Variants in DPP6 observed in about 807,000 individuals in gnomAD.
DPP6 encodes dipeptidyl peptidase like 6.
DPP6 carries 69 observed loss-of-function variants against 122.6 expected under a neutral mutation model. The observed-to-expected ratio is 0.56, with a 90% confidence interval of 0.46 to 0.69. The LOEUF is 0.69. DPP6 is among the 30% of genes least tolerant of loss of function. The pLI, the probability that DPP6 is intolerant of heterozygous loss-of-function variation, is 0.00. For synonymous variants in DPP6, 418 were observed against 433.1 expected (o/e 0.97, Z 0.43); for missense variants, 928 against 1,116.9 (o/e 0.83, Z 2.41).
At position 154,151,942 on chromosome 7, in the gene DPP6, C is replaced by G. The variant is rs200133200; in HGVS notation, c.243+98879C>G. 5.9e-5 allele frequency among the ~76,000 whole-genome samples: 9 copies of G among 151,486 alleles called. No homozygotes were observed. In the East Asian group the frequency reaches 1.7e-3, roughly 29 times the overall value. ...TCACCTGCCTACGAGATCAACCCCA[C>G]ACATTTGAGTTTGGCACATGACACA... On this transcript the variant is annotated intron_variant, in intron 1 of 25. Transcript: ENST00000377770.
chr7:154,195,494 G>A (rs1285450389), intron 1 of DPP6, among the ~76,000 whole-genome samples: 1 of 152,032 alleles, frequency 6.6e-6, no homozygotes. Context: ...ACTGCCATTG[G>A]CCGGCAGCCT....
chr7:153,859,526 C>T, the DPP6 span, among the ~76,000 whole-genome samples: 1 of 152,102 alleles, frequency 6.6e-6, no homozygotes, highest in Admixed American at 6.5e-5. Context: ...AGGACAGAAC[C>T]TCTAAGACAA....
In DPP6 at chr7:154,153,255, G is replaced by A. The variant is rs565200675; in HGVS notation, c.243+100192G>A. Among the ~76,000 whole-genome samples the A allele has an allele frequency of 1.9e-4, 29 of 152,206 alleles. No individual in the cohort carries two copies. In the East Asian group the frequency reaches 5.0e-3, roughly 26 times the overall value. On this transcript the variant is annotated intron_variant, in intron 1 of 25. Transcript: ENST00000377770. ...GGCTGGAGTGCAATGGCGGGATCTC[G>A]GCTCACTGCAACCTCTGCTTCCTAG...
At chr7:153,908,335 G>GT (rs1799938607) in intron 1 of DPP6, among the ~76,000 whole-genome samples, 1 of 152,120 alleles carries the variant, frequency 6.6e-6, no homozygotes, top group South Asian at 2.1e-4. Flanking sequence ...AAAAAGTATA[G>GT]TTATGGTCCT....
intron 1 of DPP6, among the ~76,000 whole-genome samples, chr7:154,320,024 A>ATG (rs1435432110): frequency 8.6e-6 from 1 of 116,688 alleles, no homozygotes; most frequent in African/African-American, 2.9e-5. Flanking sequence ...ATATATATAT[A>ATG]TATATATGCA....
chr7:154,588,110 A>G, intron 5 of DPP6: 2 of 1,584,646 alleles, frequency 1.3e-6, no homozygotes, highest in Non-Finnish European at 1.7e-6. Flanking sequence ...CTGCCAGCAC[A>G]GGCTTGTTCC....
chr7:153,760,461 G>C, the DPP6 span, among the ~76,000 whole-genome samples: 1 of 152,088 alleles, frequency 6.6e-6, no homozygotes, highest in African/African-American at 2.4e-5. Context: ...TTGGATGCCA[G>C]ATATTGTGAA....
the DPP6 span, among the ~76,000 whole-genome samples, chr7:153,821,952 T>G: frequency 6.6e-6 from 1 of 152,150 alleles, no homozygotes. Context: ...GCTGGGGACC[T>G]ACAGCGCAAG....
chr7:154,601,820 T>G (rs1311700851), intron 5 of DPP6, among the ~76,000 whole-genome samples: 1 of 121,140 alleles, frequency 8.3e-6, no homozygotes, highest in Non-Finnish European at 1.9e-5. Flanking sequence ...AGGCTGTTTT[T>G]GTACTTCCAA....
chr7:154,355,876 C>G (rs745612449), intron 1 of DPP6, among the ~76,000 whole-genome samples: 8 of 152,168 alleles, frequency 5.3e-5, no homozygotes, highest in Non-Finnish European at 5.9e-5. Flanking sequence ...CACACATACT[C>G]ACTCACATAG....
Position 154,301,675 on chromosome 7 carries a change from A to C in DPP6, c.244-144539A>C, listed in dbSNP as rs117210304. The stretch of plus-strand genomic sequence containing the variant: ...GCAAACACCTTTAGCTTGAGAGGAT[A>C]AACTTAAGTACAATGTTTGTTCTCT... On this transcript the variant is annotated intron_variant, in intron 1 of 25. Transcript: ENST00000377770. 7.5e-3 allele frequency among the ~76,000 whole-genome samples: 1,142 copies of C among 152,270 alleles called. 6 individuals are homozygous for C. The highest frequency in any genetic ancestry group is 0.012 in the Non-Finnish European group (815 of 68,018).
In DPP6 at chr7:154,787,150, T is replaced by C. The variant is rs1048422914; in HGVS notation, c.1137-6929T>C. ...CTTAAGTTGGAGACTTCCAGTGTTT[T>C]CTTAATAACCATCTTCTTGTTTAAA... On this transcript the variant is annotated intron_variant, in intron 10 of 25. Transcript: ENST00000377770. Among the ~76,000 whole-genome samples the C allele has an allele frequency of 9.8e-5, 15 of 152,380 alleles. No individual in the cohort carries two copies. The East Asian group carries it at 2.7e-3, about 27-fold the overall frequency.
chr7:153,936,716 C>T (rs1302031045), intron 1 of DPP6, among the ~76,000 whole-genome samples: 1 of 151,776 alleles, frequency 6.6e-6, no homozygotes, highest in Non-Finnish European at 1.5e-5. Flanking sequence ...GAGGCTGAGG[C>T]AGGAAAATGG....
At chr7:153,805,143 A>G in the DPP6 span, among the ~76,000 whole-genome samples, 1 of 152,232 alleles carries the variant, frequency 6.6e-6, no homozygotes, top group Non-Finnish European at 1.5e-5. Flanking sequence ...TTAATGAAAT[A>G]AGGACTTAAG....
At chr7:154,711,784 A>G (rs1841196033) in intron 7 of DPP6, among the ~76,000 whole-genome samples, 1 of 152,178 alleles carries the variant, frequency 6.6e-6, no homozygotes, top group Admixed American at 6.5e-5. Context: ...GATTATAGTA[A>G]TTATTCCATC....
intron 1 of DPP6, among the ~76,000 whole-genome samples, chr7:154,354,836 G>A (rs1289710995): frequency 1.3e-5 from 2 of 152,128 alleles, no homozygotes; most frequent in East Asian, 1.9e-4. Context: ...ACAATGCTGC[G>A]GGCACTCTTG....
At chr7:154,336,295 T>C (rs549095910) in intron 1 of DPP6, among the ~76,000 whole-genome samples, 2 of 152,272 alleles carry the variant, frequency 1.3e-5, no homozygotes, top group South Asian at 2.1e-4. Flanking sequence ...AGGCAGAAGA[T>C]GCACGGCGTC....
chr7:154,445,528 C>T (rs192904719), intron 1 of DPP6, among the ~76,000 whole-genome samples: 95 of 152,248 alleles, frequency 6.2e-4, no homozygotes, highest in Non-Finnish European at 2.1e-4. Flanking sequence ...CAGAGTCCCT[C>T]TCTCACCTGC....
intron 1 of DPP6, among the ~76,000 whole-genome samples, chr7:154,234,911 C>G (rs891936147): frequency 2.6e-5 from 4 of 152,152 alleles, no homozygotes; most frequent in Admixed American, 2.6e-4. Flanking sequence ...GCCTGGGATC[C>G]CCGTGCCTCC....
Sources: allele counts gnomAD v4.1 joint callset (sites outside exome capture counted in the v4.1 genomes callset), GRCh38; gene constraint gnomAD v4.1.1; transcripts MANE v1.5; gene names NCBI Gene and HGNC (gene_info 2026-07-23, HGNC 2026-07-21).